Variants in C4orf51 observed in about 807,000 individuals in gnomAD.
C4orf51 encodes uncharacterized protein C4orf51.
A neutral mutation model predicts 25.2 loss-of-function variants in C4orf51; 25 were observed. The ratio of observed to expected loss-of-function variants is 0.99; its 90% confidence interval spans 0.72 to 1.39. The LOEUF (loss-of-function observed/expected upper bound fraction) is 1.39. Among genes scored for constraint, C4orf51 ranks in the 40% most tolerant of loss-of-function variants. C4orf51 has a pLI of 0.00. For missense variants in C4orf51, 252 were observed against 239.6 expected (o/e 1.05, Z -0.34); for synonymous variants, 100 against 84.5 (o/e 1.18, Z -1.01).
intron 1 of C4orf51, among the ~76,000 whole-genome samples, chr4:145,695,534 G>T (rs542773950): frequency 3.3e-5 from 5 of 152,218 alleles, no homozygotes; most frequent in African/African-American, 1.2e-4. Flanking sequence ...TAGGTTGTCT[G>T]TTTACTCTGT....
chr4:145,751,551 G>A (rs755375132), intron 1 of C4orf51, among the ~76,000 whole-genome samples: 5 of 152,252 alleles, frequency 3.3e-5, no homozygotes, highest in African/African-American at 9.6e-5. Context: ...GCAACCCATC[G>A]CACTACCACT....
chr4:145,738,933 A>C (rs2126789586), intron 1 of C4orf51, among the ~76,000 whole-genome samples: 1 of 152,140 alleles, frequency 6.6e-6, no homozygotes, highest in African/African-American at 2.4e-5. Flanking sequence ...GAGCCACTGC[A>C]CCTGGCCAGC....
chr4:145,726,365 C>T (rs1401947586), intron 2 of C4orf51, among the ~76,000 whole-genome samples: 4 of 151,912 alleles, frequency 2.6e-5, no homozygotes, highest in Non-Finnish European at 5.9e-5. Context: ...TTCAATTTTC[C>T]AGAGATATTT....
intron 2 of C4orf51, among the ~76,000 whole-genome samples, chr4:145,706,110 CTAA>C (rs1560835352): frequency 6.6e-6 from 1 of 152,054 alleles, no homozygotes; most frequent in African/African-American, 2.4e-5. Flanking sequence ...AGACTAGAAT[CTAA>C]TAATAGGTGT....
At chr4:145,729,459 A>G (rs191934719) in intron 4 of C4orf51, among the ~76,000 whole-genome samples, 1,919 of 151,000 alleles carry the variant, frequency 0.013, 34 homozygotes, top group African/African-American at 0.043. Flanking sequence ...CCGCCACCAC[A>G]CCCGGCTAAT....
At chr4:145,713,835 T>A (rs896805501) in intron 2 of C4orf51, among the ~76,000 whole-genome samples, 1 of 152,166 alleles carries the variant, frequency 6.6e-6, no homozygotes, top group Non-Finnish European at 1.5e-5. Flanking sequence ...CAGGCTGGAG[T>A]GCAGTGATGC....
chr4:145,701,345 A>G (rs1730429025), intron 2 of C4orf51, among the ~76,000 whole-genome samples: 1 of 152,122 alleles, frequency 6.6e-6, no homozygotes, highest in Non-Finnish European at 1.5e-5. Context: ...GCGTTCCTCC[A>G]GAACCTCCTC....
intron 1 of C4orf51, among the ~76,000 whole-genome samples, chr4:145,750,794 C>CT (rs1056264829): frequency 7.9e-5 from 12 of 152,136 alleles, no homozygotes; most frequent in East Asian, 7.7e-4. Context: ...CCTTGTGAGG[C>CT]TTTTTTTCTA....
chr4:145,722,547 A>G (rs949346575), intron 2 of C4orf51, among the ~76,000 whole-genome samples: 1 of 152,226 alleles, frequency 6.6e-6, no homozygotes, highest in Non-Finnish European at 1.5e-5. Context: ...GTCATGAAAG[A>G]GATTTGCTCT....
chr4:145,709,517 C>G (rs1171600256), intron 2 of C4orf51, among the ~76,000 whole-genome samples: 2 of 152,158 alleles, frequency 1.3e-5, no homozygotes, highest in African/African-American at 4.8e-5. Flanking sequence ...GCCAATGCAG[C>G]AAGAGCTGCA....
intron 3 of C4orf51, 70 bp downstream of exon 3, chr4:145,727,039 C>A: frequency 2.4e-6 from 3 of 1,233,940 alleles, no homozygotes; most frequent in Non-Finnish European, 3.5e-6. Flanking sequence ...GCATATTATT[C>A]ATTAAAAAAA....
intron 3 of C4orf51, among the ~76,000 whole-genome samples, chr4:145,727,304 G>T (rs941591709): frequency 6.6e-6 from 1 of 152,058 alleles, no homozygotes; most frequent in Non-Finnish European, 1.5e-5. Context: ...ATAATACAGA[G>T]TAACAAAGTA....
chr4:145,771,679 T>C (rs1560899506), downstream of C4orf51, among the ~76,000 whole-genome samples: 1 of 152,144 alleles, frequency 6.6e-6, no homozygotes. Flanking sequence ...CCCTTTAACA[T>C]AACCACTCAC....
chr4:145,781,404 C>CA, the C4orf51 span, among the ~76,000 whole-genome samples: 1 of 151,742 alleles, frequency 6.6e-6, no homozygotes, highest in Non-Finnish European at 1.5e-5. Context: ...GAAGAAGAAA[C>CA]AAATATGAAT....
chr4:145,783,858 C>T, the C4orf51 span, among the ~76,000 whole-genome samples: 1 of 152,110 alleles, frequency 6.6e-6, no homozygotes, highest in African/African-American at 2.4e-5. Context: ...TGTGTCCCTG[C>T]TTAAATCTCA....
At position 145,732,633 on chromosome 4, in the gene C4orf51, C is replaced by T; in HGVS notation, c.*73C>T. On this transcript the variant is annotated 3_prime_UTR_variant, in exon 6 of 6. Coordinates refer to ENST00000438731, the MANE Select transcript of C4orf51 (RefSeq NM_001080531.3). ...AACAACTTTGAGGTATGGGGCCCTCCCAACACCCTCCCCCCACCCGCCCCG... is the reference window on the plus strand; with the variant it reads ...AACAACTTTGAGGTATGGGGCCCTCTCAACACCCTCCCCCCACCCGCCCCG... The T allele has an allele frequency of 3.1e-6, 3 of 981,148 alleles. No homozygotes were observed. Among genetic ancestry groups the T allele is most frequent in the Non-Finnish European group, 3.1e-6 (2 of 649,134 alleles). 60.8% of individuals were successfully genotyped at this position (981,148 alleles called of 1,614,324 possible).
intron 1 of C4orf51, among the ~76,000 whole-genome samples, chr4:145,749,834 C>G (rs1322773390): frequency 6.6e-6 from 1 of 152,036 alleles, no homozygotes; most frequent in Non-Finnish European, 1.5e-5. Context: ...CGGGGTTTCA[C>G]TGTGTTAGCC....
downstream of C4orf51, chr4:145,754,388 C>T (rs1434028834): frequency 6.6e-6 from 1 of 152,198 alleles, no homozygotes; most frequent in African/African-American, 2.4e-5. Flanking sequence ...CTACAGAAAA[C>T]ATATGAAAAG....
intron 1 of C4orf51, among the ~76,000 whole-genome samples, chr4:145,695,847 T>A (rs777580519): frequency 6.6e-6 from 1 of 152,176 alleles, no homozygotes; most frequent in Admixed American, 6.5e-5. Context: ...AAGAACAAGA[T>A]CATATCTTTT....
Sources: allele counts gnomAD v4.1 joint callset (sites outside exome capture counted in the v4.1 genomes callset), GRCh38; gene constraint gnomAD v4.1.1; transcripts MANE v1.5; gene names NCBI Gene and HGNC (gene_info 2026-07-23, HGNC 2026-07-21).